The following PLEKHA6 variants were observed in gnomAD, a reference collection of about 807,000 sequenced individuals.
PLEKHA6 encodes the protein pleckstrin homology domain-containing family A member 6.
Under a neutral mutation model 116.7 loss-of-function variants are expected in PLEKHA6, and 60 were observed. The ratio of observed to expected loss-of-function variants is 0.51; its 90% CI spans 0.42 to 0.64. The LOEUF is 0.64. PLEKHA6 is among the 30% of genes least tolerant of loss of function. The probability of loss-of-function intolerance (pLI) is 0.00; values close to 1 mark genes in which losing one functional copy is unlikely to be tolerated. For missense variants in PLEKHA6, 1,338 were observed against 1,422.7 expected, an observed-to-expected ratio of 0.94 and a Z score of 0.96; for synonymous variants, 489 against 556.1, an observed-to-expected ratio of 0.88 and a Z score of 1.70.
At chr1:204,375,294 C>G (rs1430126843) in intron 1 of PLEKHA6, among the ~76,000 whole-genome samples, 9 of 152,138 alleles carry the variant, frequency 5.9e-5, no homozygotes, top group Admixed American at 5.9e-4. Context: ...GAATGTCCCC[C>G]GGGAACCTCA....
At chr1:204,296,643 G>A (rs1325110192) in intron 1 of PLEKHA6, among the ~76,000 whole-genome samples, 1 of 152,226 alleles carries the variant, frequency 6.6e-6, no homozygotes, top group African/African-American at 2.4e-5. Context: ...CCTTCTCTGT[G>A]GCTGGCTGCA....
chr1:204,249,434 T>C (rs936068072), intron 10 of PLEKHA6, among the ~76,000 whole-genome samples, 170 bp from the exon 11 acceptor site: 13 of 152,098 alleles, frequency 8.5e-5, no homozygotes, highest in African/African-American at 3.1e-4. Flanking sequence ...AACAAGAAGA[T>C]GGGTCTTCAT....
chr1:204,222,448 TCAC>T lies in PLEKHA6; in HGVS notation c.*337_*339del, dbSNP rs1659752930. Reference sequence around the variant, plus strand: ...CCCATCAGGGAATGTTCCACTGGAGTCACCACAACCCCAGCCAGGGCAAGGCTG... The same window carrying T: ...CCCATCAGGGAATGTTCCACTGGAGTCACAACCCCAGCCAGGGCAAGGCTG... On this transcript the variant is annotated 3_prime_UTR_variant, in exon 23 of 23. Transcript: ENST00000272203. 6.6e-6 allele frequency: 1 copy of T among 152,646 alleles called. No homozygotes were observed. Among genetic ancestry groups the T allele is most frequent in the South Asian group, 2.1e-4 (1 of 4,820 alleles). 9.5% of individuals were successfully genotyped at this position (152,646 alleles called of 1,614,324 possible). A position where few individuals can be genotyped will look rare whatever the true frequency, so the allele number is the denominator to read the frequency against.
At position 204,257,632 on chromosome 1, in the gene PLEKHA6, G is replaced by A. The variant is rs372795465; in HGVS notation, c.1245C>T (p.Tyr415=). 64 of 1,609,194 alleles carry A rather than the reference G, an allele frequency of 4.0e-5. No individual in the cohort carries two copies. In the African/African-American group the frequency reaches 5.1e-4, roughly 13 times the overall value. The part of the protein sequence containing the change: ...QLREWKEPAS[Y]GRQDATVWIP... ...TCCAGACGGTGGCATCCTGCCGCCC[G>A]TAGCTGGCGGGCTCCTTCCACTCTC... is the stretch of plus-strand genomic sequence containing the variant. Residue 415 remains tyrosine (Y), a synonymous_variant, in exon 9 of 23, where the codon TAC becomes TAT. Coordinates refer to ENST00000272203, the MANE Select transcript of PLEKHA6 (RefSeq NM_014935.5). The surrounding 1 kb of genome is among the most constrained non-coding windows in gnomAD (Gnocchi z 6.5).
At chr1:204,230,630 C>T (rs1158572957) in intron 17 of PLEKHA6, 44 bp from the exon 18 acceptor site, 4 of 1,519,518 alleles carry the variant, frequency 2.6e-6, no homozygotes, top group South Asian at 2.5e-5. Flanking sequence ...GCCTTATCCC[C>T]CACCCAGCTT....
chr1:204,326,984 G>T, intron 1 of PLEKHA6: 1 of 985,268 alleles, frequency 1.0e-6, no homozygotes, highest in East Asian at 1.1e-4. Context: ...CGCTGGGTAC[G>T]GCAGCCTCTG....
At position 204,250,587 on chromosome 1, in the gene PLEKHA6, C is replaced by A. The variant is rs753978421; in HGVS notation, c.1552G>T (p.Asp518Tyr). The change falls in exon 10 of 23, where the codon GAC becomes TAC. Residue 518 changes from aspartate to tyrosine, a missense_variant. Asp to Tyr is a radical substitution (Grantham distance 160). Coordinates refer to ENST00000272203, the MANE Select transcript of PLEKHA6 (RefSeq NM_014935.5). The stretch of plus-strand genomic sequence containing the variant: ...TTTAACTTGTAGGTGTGGAGGCTGT[C>A]CCGGAACACTTCTGGGTATGGAGGG... ...KVPPYPEVFR[D>Y]SLHTYKLNEQ... 1 of 1,613,070 alleles carries A rather than the reference C, an allele frequency of 6.2e-7. No homozygotes were observed. The highest frequency in any genetic ancestry group is 2.2e-5 in the East Asian group (1 of 44,888).
intron 1 of PLEKHA6, among the ~76,000 whole-genome samples, chr1:204,340,734 G>A (rs1672816255): frequency 6.6e-6 from 1 of 152,210 alleles, no homozygotes; most frequent in African/African-American, 2.4e-5. Flanking sequence ...TCTATAGAGA[G>A]AAAGAGATGC....
Position 204,299,602 on chromosome 1 carries a change from G to A in PLEKHA6, c.-94-24793C>T, listed in dbSNP as rs142303690. 6.4e-4 allele frequency: 628 copies of A among 983,302 alleles called. 1 individual carries two copies. The African/African-American group carries it at 0.01, about 16-fold the overall frequency. 60.9% of individuals were successfully genotyped at this position (983,302 alleles called of 1,614,324 possible). A position where few individuals can be genotyped will look rare whatever the true frequency, so the allele number is the denominator to read the frequency against. ...CAGAGGACAGCCATTATTGAGGGGAGAAAACATCTCGCATTCTTTCTCCTG... is the reference window on the plus strand; with the variant it reads ...CAGAGGACAGCCATTATTGAGGGGAAAAAACATCTCGCATTCTTTCTCCTG... On this transcript the variant is annotated intron_variant, in intron 1 of 22. Transcript: ENST00000272203.
rs1296060439 is a variant in PLEKHA6, at chr1:204,241,756, G to A, written c.2231C>T (p.Thr744Ile). The change falls in exon 16 of 23, where the codon ACC becomes ATC. Residue 744 changes from threonine to isoleucine, a missense_variant. Physicochemically the swap from Thr to Ile is moderately conservative, Grantham distance 89. This residue lies in a region of PLEKHA6 where 1,136 missense variants were observed against 1,163.6 expected (regional missense o/e 0.98). Transcript: ENST00000272203. ...KDPHQTLPLDTPRDISLVPTR... is the reference protein window; with the variant it reads ...KDPHQTLPLDIPRDISLVPTR... ...GGGCACAAGGCTGATGTCTCTGGGG[G>A]TGTCCAGGGGCAATGTCTGGTGGGG... The A allele has an allele frequency of 2.5e-6, 4 of 1,613,948 alleles. No individual in the cohort carries two copies. The highest frequency in any genetic ancestry group is 3.3e-5 in the Admixed American group (2 of 60,016).
At chr1:204,304,207 A>G (rs186733448) in intron 1 of PLEKHA6, among the ~76,000 whole-genome samples, 31 of 152,348 alleles carry the variant, frequency 2.0e-4, no homozygotes, top group African/African-American at 6.7e-4. Context: ...AGGTGACTGT[A>G]GGAATAAGAA....
At chr1:204,370,397 G>C (rs985992565) in intron 2 of PLEKHA6, among the ~76,000 whole-genome samples, 18 of 152,230 alleles carry the variant, frequency 1.2e-4, no homozygotes, top group South Asian at 2.1e-4. Context: ...GAAGGCGAGA[G>C]GGGGAAGGGC....
chr1:204,313,824 C>T (rs1440780570), intron 1 of PLEKHA6: 8 of 352,984 alleles, frequency 2.3e-5, no homozygotes, highest in Non-Finnish European at 3.2e-5. Context: ...AGCCACCCCA[C>T]AGAGCATCTC....
At chr1:204,236,314 C>T (rs1011107817) in intron 17 of PLEKHA6, among the ~76,000 whole-genome samples, 1 of 152,124 alleles carries the variant, frequency 6.6e-6, no homozygotes, top group Non-Finnish European at 1.5e-5. Flanking sequence ...TGCCTGATCT[C>T]CCTTGGTTTA....
intron 9 of PLEKHA6, among the ~76,000 whole-genome samples, chr1:204,255,341 C>G (rs1363745720): frequency 6.6e-6 from 1 of 152,174 alleles, no homozygotes; most frequent in African/African-American, 2.4e-5. Flanking sequence ...CCACCTGCCC[C>G]CTGGGGGCAG....
chr1:204,242,197 C>T (rs985428823), intron 15 of PLEKHA6, among the ~76,000 whole-genome samples: 6 of 152,244 alleles, frequency 3.9e-5, no homozygotes, highest in South Asian at 4.2e-4. Context: ...CAGAACCAGG[C>T]GGGCCTTGGT....
intron 9 of PLEKHA6, among the ~76,000 whole-genome samples, chr1:204,256,590 T>C (rs1334453026): frequency 2.6e-5 from 4 of 152,290 alleles, no homozygotes; most frequent in Non-Finnish European, 4.4e-5. Flanking sequence ...CCACGGGCTG[T>C]GTCACAGAGG....
chr1:204,337,229 C>T (rs576972885), intron 1 of PLEKHA6, among the ~76,000 whole-genome samples: 34 of 152,100 alleles, frequency 2.2e-4, no homozygotes, highest in Admixed American at 7.2e-4. Flanking sequence ...GACTAGTGGA[C>T]GCCTAAACCA....
At chr1:204,284,754 G>A (rs12116707) in intron 1 of PLEKHA6, among the ~76,000 whole-genome samples, 27,294 of 151,980 alleles carry the variant, frequency 0.18, 2,585 homozygotes, top group East Asian at 0.3. Context: ...GGGTAAGGCC[G>A]GTGGTCTCAG....
Sources: allele counts gnomAD v4.1 joint callset (sites outside exome capture counted in the v4.1 genomes callset), GRCh38; gene constraint gnomAD v4.1.1; regional missense constraint gnomAD v4.1.1; non-coding constraint Gnocchi (gnomAD v3.1); transcripts MANE v1.5; gene names NCBI Gene and HGNC (gene_info 2026-07-23, HGNC 2026-07-21).